The following ANKS1B variants were observed in gnomAD, a reference collection of about 807,000 sequenced individuals.
ANKS1B encodes ankyrin repeat and sterile alpha motif domain-containing protein 1B.
In ANKS1B, 36 loss-of-function variants were observed where a neutral mutation model predicts 148.3. The observed-to-expected ratio is 0.24, with a 90% CI of 0.19 to 0.32. The LOEUF (loss-of-function observed/expected upper bound fraction) is 0.32. Ranked by LOEUF, ANKS1B falls within the 10% of genes least tolerant of loss-of-function variation. ANKS1B has a pLI of 1.00. For missense variants in ANKS1B, 1,157 were observed against 1,542.6 expected (o/e 0.75, Z 4.19); for synonymous variants, 542 against 560.8 (o/e 0.97, Z 0.47).
At chr12:99,903,258 G>A (rs1272501679) in intron 1 of ANKS1B, among the ~76,000 whole-genome samples, 2 of 152,144 alleles carry the variant, frequency 1.3e-5, no homozygotes, top group Non-Finnish European at 2.9e-5. Context: ...ACAACTAACT[G>A]GTCTAGATGA....
At chr12:98,739,532 C>G (rs1175885418), downstream of ANKS1B, among the ~76,000 whole-genome samples, 3 of 152,096 alleles carry the variant, frequency 2.0e-5, no homozygotes, top group Non-Finnish European at 2.9e-5. Flanking sequence ...CTGTTGCCTT[C>G]CCTTTGGGGA....
chr12:99,187,210 G>T (rs1349306000), intron 14 of ANKS1B, among the ~76,000 whole-genome samples: 1 of 151,760 alleles, frequency 6.6e-6, no homozygotes, highest in East Asian at 2.0e-4. Flanking sequence ...ACCTACGTTT[G>T]GTTGGTGTAC....
chr12:98,888,571 C>G (rs1000315077), intron 17 of ANKS1B, among the ~76,000 whole-genome samples: 1 of 152,250 alleles, frequency 6.6e-6, no homozygotes, highest in African/African-American at 2.4e-5. Flanking sequence ...CTGACCTGAG[C>G]TGACCGGGAT....
At chr12:99,399,469 T>C (rs1240571621) in intron 12 of ANKS1B, among the ~76,000 whole-genome samples, 162 bp downstream of exon 12, 1 of 152,096 alleles carries the variant, frequency 6.6e-6, no homozygotes, top group Admixed American at 6.6e-5. Flanking sequence ...AAAAAGAATA[T>C]TACAGCCACA....
At chr12:98,874,047 GTCT>G (rs1477010251) in intron 17 of ANKS1B, among the ~76,000 whole-genome samples, 3 of 152,170 alleles carry the variant, frequency 2.0e-5, no homozygotes, top group Non-Finnish European at 4.4e-5. Flanking sequence ...GCCATTATCT[GTCT>G]GCCTCTTTTC....
intron 12 of ANKS1B, among the ~76,000 whole-genome samples, chr12:99,275,334 C>A (rs192096492): frequency 8.2e-4 from 125 of 152,296 alleles, no homozygotes; most frequent in Admixed American, 1.5e-3. Flanking sequence ...TAACCACCCC[C>A]TGTCCCCACT....
intron 17 of ANKS1B, among the ~76,000 whole-genome samples, chr12:99,038,817 C>G (rs2099957138): frequency 6.6e-6 from 1 of 152,220 alleles, no homozygotes; most frequent in Admixed American, 6.5e-5. Context: ...ACACTTGGTT[C>G]AGATCTCTGC....
chr12:98,933,113 ATTAGTAACTCCCCAT>A (rs1224103049), intron 17 of ANKS1B, among the ~76,000 whole-genome samples: 2 of 152,108 alleles, frequency 1.3e-5, no homozygotes, highest in Non-Finnish European at 2.9e-5. Context: ...ATGGCTGTTG[ATTAGTAACTCCCCAT>A]TTAGTAACTC....
At chr12:99,288,608 ATAAAGT>A (rs1319246279) in intron 12 of ANKS1B, among the ~76,000 whole-genome samples, 3 of 152,124 alleles carry the variant, frequency 2.0e-5, no homozygotes, top group Non-Finnish European at 2.9e-5. Flanking sequence ...TAATGGGGTG[ATAAAGT>A]TAAAGTGTAT....
At chr12:99,763,330 G>A (rs569850890) in intron 8 of ANKS1B, among the ~76,000 whole-genome samples, 64 of 152,278 alleles carry the variant, frequency 4.2e-4, no homozygotes, top group African/African-American at 1.5e-3. Context: ...ATAAAACTGT[G>A]TCCTTTGCAG....
At chr12:99,430,392 A>G (rs576672226) in intron 11 of ANKS1B, among the ~76,000 whole-genome samples, 1 of 152,344 alleles carries the variant, frequency 6.6e-6, no homozygotes, top group African/African-American at 2.4e-5. Context: ...GTTAATTGAT[A>G]TAAGGAAGGA....
At chr12:99,553,849 C>T (rs1349248252) in intron 9 of ANKS1B, among the ~76,000 whole-genome samples, 7 of 152,124 alleles carry the variant, frequency 4.6e-5, no homozygotes, top group African/African-American at 1.4e-4. Flanking sequence ...GTCAGGTGGC[C>T]GAAGACTGTC....
At chr12:99,058,989 G>A (rs1204084376) in intron 16 of ANKS1B, among the ~76,000 whole-genome samples, 1 of 82,460 alleles carries the variant, frequency 1.2e-5, no homozygotes, top group South Asian at 3.7e-4. Flanking sequence ...CGCCCGCCTC[G>A]GCCTCCCAAA....
intron 8 of ANKS1B, among the ~76,000 whole-genome samples, chr12:99,684,385 A>AG (rs71436962): frequency 3.3e-5 from 5 of 150,756 alleles, no homozygotes; most frequent in South Asian, 2.1e-4. Flanking sequence ...AAAAAAAAAA[A>AG]GGGAAAAAGA....
At chr12:98,914,986 CT>C (rs1278799048) in intron 17 of ANKS1B, among the ~76,000 whole-genome samples, 4 of 152,130 alleles carry the variant, frequency 2.6e-5, no homozygotes, top group African/African-American at 9.7e-5. Flanking sequence ...TGAGGGCAGG[CT>C]TGTTTGTCTT....
intron 10 of ANKS1B, among the ~76,000 whole-genome samples, chr12:99,479,997 T>C (rs2152930655): frequency 6.6e-6 from 1 of 151,878 alleles, no homozygotes; most frequent in South Asian, 2.1e-4. Flanking sequence ...TTACACTGTA[T>C]CCCATAAATA....
chr12:99,203,825 T>C (rs937562926), intron 14 of ANKS1B, among the ~76,000 whole-genome samples: 1 of 152,196 alleles, frequency 6.6e-6, no homozygotes, highest in Non-Finnish European at 1.5e-5. Flanking sequence ...TGTAGTAAAA[T>C]GTCTGGGCAT....
chr12:99,657,879 T>C (rs2098457453), intron 8 of ANKS1B, among the ~76,000 whole-genome samples: 3 of 132,532 alleles, frequency 2.3e-5, no homozygotes, highest in Non-Finnish European at 4.6e-5. Flanking sequence ...GAACTTCCTC[T>C]ATCTCTTTCT....
At chr12:99,560,038 T>TA (rs377446776) in intron 9 of ANKS1B, among the ~76,000 whole-genome samples, 248 of 152,318 alleles carry the variant, frequency 1.6e-3, no homozygotes, top group African/African-American at 5.5e-3. Flanking sequence ...TAGAAATATT[T>TA]ACTTGAAGCA....
Sources: allele counts gnomAD v4.1 joint callset (sites outside exome capture counted in the v4.1 genomes callset), GRCh38; gene constraint gnomAD v4.1.1; transcripts MANE v1.5; gene names NCBI Gene and HGNC (gene_info 2026-07-23, HGNC 2026-07-21).